Variants in SPECC1 observed in about 807,000 individuals in gnomAD.
The protein encoded by SPECC1 is sperm antigen with calponin homology and coiled-coil domains 1.
SPECC1 carries 62 observed loss-of-function variants against 104.1 expected under a neutral mutation model. The observed-to-expected ratio is 0.60, with a 90% CI of 0.49 to 0.74. The LOEUF (loss-of-function observed/expected upper bound fraction) is 0.74. SPECC1 is among the 30% of genes least tolerant of loss of function. The pLI is 0.00. For synonymous variants in SPECC1, 513 were observed against 501.6 expected (o/e 1.02, Z -0.30); for missense variants, 1,306 against 1,310.5 (o/e 1.00, Z 0.05).
chr17:20,114,394 G>A (rs2048649708), intron 3 of SPECC1, among the ~76,000 whole-genome samples: 1 of 151,928 alleles, frequency 6.6e-6, no homozygotes, highest in South Asian at 2.1e-4. Context: ...GTTTCACCAT[G>A]TTAGCCAGGA....
rs147225004 is a variant in SPECC1 at position 20,263,840 on chromosome 17, G to A, written c.2940+3546G>A. 6.7e-3 allele frequency among the ~76,000 whole-genome samples: 1,027 copies of A among 152,220 alleles called. 10 individuals are homozygous for A. Among genetic ancestry groups the A allele is most frequent in the African/African-American group, 0.024 (978 of 41,526 alleles). On this transcript the variant is annotated intron_variant, in intron 12 of 14. Transcript: ENST00000395527. Reference sequence around the variant, plus strand: ...GCAGGGAAGAGACAGACAATAAGATGTTTCCAGTCAGGATCACAAGAACAC... The same window carrying A: ...GCAGGGAAGAGACAGACAATAAGATATTTCCAGTCAGGATCACAAGAACAC...
intron 1 of SPECC1, among the ~76,000 whole-genome samples, chr17:20,030,346 G>A (rs1478366921): frequency 6.6e-6 from 1 of 151,652 alleles, no homozygotes; most frequent in Non-Finnish European, 1.5e-5. Flanking sequence ...TTCCCTTTTT[G>A]TGGTATTTTT....
At chr17:20,157,426 C>T (rs1477129500) in intron 3 of SPECC1, among the ~76,000 whole-genome samples, 1 of 151,874 alleles carries the variant, frequency 6.6e-6, no homozygotes, top group African/African-American at 2.4e-5. Context: ...ATTTTTTGGG[C>T]AGAATAACCA....
At chr17:20,278,077 T>C (rs1055905655) in intron 12 of SPECC1, among the ~76,000 whole-genome samples, 2 of 152,092 alleles carry the variant, frequency 1.3e-5, no homozygotes, top group African/African-American at 4.8e-5. Context: ...TGGACCCATA[T>C]TCCTGGCCTG....
intron 10 of SPECC1, among the ~76,000 whole-genome samples, chr17:20,255,244 G>T (rs2039782935): frequency 6.6e-6 from 1 of 152,156 alleles, no homozygotes; most frequent in South Asian, 2.1e-4. Context: ...GTTCAGTGGA[G>T]GTAGAGAAAT....
intron 1 of SPECC1, among the ~76,000 whole-genome samples, chr17:20,019,349 T>A (rs2044280560): frequency 6.6e-6 from 1 of 152,072 alleles, no homozygotes; most frequent in Admixed American, 6.6e-5. Flanking sequence ...GATGGACACT[T>A]TACCTAGAAA....
intron 3 of SPECC1, among the ~76,000 whole-genome samples, chr17:20,164,604 C>CT (rs934725457): frequency 6.6e-6 from 1 of 152,130 alleles, no homozygotes; most frequent in Non-Finnish European, 1.5e-5. Flanking sequence ...GGAACATATT[C>CT]TTTAACATAT....
intron 2 of SPECC1, among the ~76,000 whole-genome samples, chr17:20,107,824 C>A (rs1026610569): frequency 6.6e-6 from 1 of 152,086 alleles, no homozygotes; most frequent in Non-Finnish European, 1.5e-5. Context: ...CTGCGCTCGA[C>A]CATGTGATCC....
At chr17:20,311,369 G>C (rs186624680) in intron 14 of SPECC1, among the ~76,000 whole-genome samples, 29 of 151,510 alleles carry the variant, frequency 1.9e-4, no homozygotes, top group Non-Finnish European at 2.5e-4. Flanking sequence ...AGAACTTCCA[G>C]TACATTTTTT....
At chr17:20,197,552 G>A (rs1053397503) in intron 3 of SPECC1, among the ~76,000 whole-genome samples, 5 of 152,330 alleles carry the variant, frequency 3.3e-5, no homozygotes, top group African/African-American at 1.2e-4. Context: ...TTAATTTTGA[G>A]CTTGCAAAGG....
At chr17:20,044,832 G>A (rs77090106) in intron 1 of SPECC1, among the ~76,000 whole-genome samples, 14,340 of 152,190 alleles carry the variant, frequency 0.094, 774 homozygotes, top group Non-Finnish European at 0.12. Context: ...ATTTATAACC[G>A]CATTTTGAGT....
chr17:20,226,608 A>G (rs77735470), intron 4 of SPECC1, among the ~76,000 whole-genome samples: 147 of 152,372 alleles, frequency 9.6e-4, no homozygotes, highest in African/African-American at 2.5e-3. Flanking sequence ...ATGTGACAAC[A>G]TTTAACCATT....
At chr17:20,193,899 G>T (rs1185153781) in intron 3 of SPECC1, among the ~76,000 whole-genome samples, 1 of 152,196 alleles carries the variant, frequency 6.6e-6, no homozygotes, top group Non-Finnish European at 1.5e-5. Context: ...CTGAGCAGCA[G>T]TCAGAGATCA....
rs117720350 is a variant in SPECC1, at chr17:20,203,192, C to T, written c.284-1141C>T. ...TACAGGTTGATGACCACTTCTGGGA[C>T]CCTTCATTACACCTCTCACTGAAAG... On this transcript the variant is annotated intron_variant, in intron 3 of 14. Coordinates refer to ENST00000395527, the MANE Select transcript of SPECC1 (RefSeq NM_001243439.2). Among the ~76,000 whole-genome samples the T allele has an allele frequency of 2.9e-3, 443 of 151,512 alleles. 18 individuals are homozygous for T. The East Asian group carries it at 0.084, about 29-fold the overall frequency.
rs201566147 is a variant in SPECC1 at position 20,107,462 on chromosome 17, CTTTTTTT to C, written c.148-2955_148-2949del. Among the ~76,000 whole-genome samples, 182 of 132,130 alleles carry C rather than the reference CTTTTTTT, an allele frequency of 1.4e-3. 2 individuals are homozygous for C. In the East Asian group the frequency reaches 0.033, roughly 24 times the overall value. 86.7% of individuals were successfully genotyped at this position (132,130 alleles called of 152,430 possible). On this transcript the variant is annotated intron_variant, in intron 2 of 14. Coordinates refer to ENST00000395527, the MANE Select transcript of SPECC1 (RefSeq NM_001243439.2). Reference sequence around the variant, plus strand: ...TGTCTCTTCTTTTCTTTTCTTTTTTCTTTTTTTTTTTTTTTTGAGATGGATAGACTGT... The same window carrying C: ...TGTCTCTTCTTTTCTTTTCTTTTTTCTTTTTTTTTGAGATGGATAGACTGT...
intron 4 of SPECC1, among the ~76,000 whole-genome samples, chr17:20,216,608 G>A (rs541080229): frequency 1.2e-4 from 19 of 152,240 alleles, no homozygotes; most frequent in African/African-American, 3.9e-4. Flanking sequence ...TGGGCCCTGC[G>A]TAGGAACCTC....
At chr17:20,061,158 A>G (rs890285552) in intron 1 of SPECC1, among the ~76,000 whole-genome samples, 4 of 152,152 alleles carry the variant, frequency 2.6e-5, no homozygotes. Context: ...TGCAACCTCC[A>G]TCTCCCAGGT....
At chr17:20,258,402 CT>C (rs2039908410) in intron 11 of SPECC1, among the ~76,000 whole-genome samples, 1 of 152,206 alleles carries the variant, frequency 6.6e-6, no homozygotes, top group Non-Finnish European at 1.5e-5. Context: ...TCCAGTGCCC[CT>C]GGTCGCCCAG....
chr17:20,177,370 C>T (rs1375306222), intron 3 of SPECC1, among the ~76,000 whole-genome samples: 1 of 152,060 alleles, frequency 6.6e-6, no homozygotes, highest in Non-Finnish European at 1.5e-5. Flanking sequence ...AAATTTTTGT[C>T]TGATTGTGTA....
Sources: allele counts gnomAD v4.1 joint callset (sites outside exome capture counted in the v4.1 genomes callset), GRCh38; gene constraint gnomAD v4.1.1; transcripts MANE v1.5; gene names NCBI Gene and HGNC (gene_info 2026-07-23, HGNC 2026-07-21).